Variants in PALM2AKAP2 observed in about 807,000 individuals in gnomAD.
PALM2AKAP2 encodes the protein PALM2 and AKAP2 fusion, also known as PALM2-AKAP2 fusion protein.
A neutral mutation model predicts 71.5 loss-of-function variants in PALM2AKAP2; 37 were observed. The observed-to-expected ratio is 0.52, with a 90% CI of 0.40 to 0.68. PALM2AKAP2 has a LOEUF of 0.68. PALM2AKAP2 is among the 30% of genes least tolerant of loss of function. The pLI, the probability that PALM2AKAP2 is intolerant of heterozygous loss-of-function variation, is 0.00. For synonymous variants in PALM2AKAP2, 468 were observed against 478.8 expected, an observed-to-expected ratio of 0.98 and a Z score of 0.29; for missense variants, 1,224 against 1,191.8, an observed-to-expected ratio of 1.03 and a Z score of -0.40.
chr9:110,132,032 CGT>C (rs3063946), intron 1 of PALM2AKAP2, among the ~76,000 whole-genome samples: 5,293 of 147,484 alleles, frequency 0.036, 97 homozygotes, highest in Middle Eastern at 0.048. Context: ...AAGTAACTAG[CGT>C]GTGTGTGTGT....
intron 1 of PALM2AKAP2, among the ~76,000 whole-genome samples, chr9:110,111,086 C>CAT (rs1835239239): frequency 1.2e-5 from 1 of 84,188 alleles, no homozygotes; most frequent in African/African-American, 4.9e-5. Context: ...TTTCTTTCTT[C>CAT]TTTTTTTTTT....
At chr9:110,003,581 T>C (rs1832721961) in intron 6 of PALM2AKAP2, among the ~76,000 whole-genome samples, 1 of 152,160 alleles carries the variant, frequency 6.6e-6, no homozygotes, top group Admixed American at 6.5e-5. Context: ...TTCCTGGATA[T>C]CCTTGTTAAC....
At chr9:110,124,179 C>T (rs759601877) in intron 1 of PALM2AKAP2, among the ~76,000 whole-genome samples, 4 of 152,204 alleles carry the variant, frequency 2.6e-5, no homozygotes, top group Non-Finnish European at 5.9e-5. Context: ...GCTCCATCTA[C>T]TCTGATTATC....
intron 1 of PALM2AKAP2, among the ~76,000 whole-genome samples, chr9:109,746,365 G>A (rs1165871118): frequency 6.6e-6 from 1 of 152,202 alleles, no homozygotes; most frequent in African/African-American, 2.4e-5. Context: ...ATGGGGGAAT[G>A]TCTTTCCCAT....
At chr9:109,653,686 G>A (rs1016876052) in intron 1 of PALM2AKAP2, among the ~76,000 whole-genome samples, 1 of 152,160 alleles carries the variant, frequency 6.6e-6, no homozygotes, top group Non-Finnish European at 1.5e-5. Context: ...TTCCCAACAA[G>A]CTTCCCAGGA....
chr9:109,925,171 C>T, intron 5 of PALM2AKAP2, 89 bp downstream of exon 5: 1 of 1,588,586 alleles, frequency 6.3e-7, no homozygotes, highest in Non-Finnish European at 8.6e-7. Context: ...GGAAGAGGTA[C>T]TGTGTTGATT....
intron 1 of PALM2AKAP2, among the ~76,000 whole-genome samples, chr9:109,686,565 A>G (rs1281640601): frequency 6.6e-6 from 1 of 152,054 alleles, no homozygotes; most frequent in Admixed American, 6.6e-5. Context: ...TATTCAGTAA[A>G]CCATGCTGTA....
Position 109,871,911 on chromosome 9 carries a change from G to A in PALM2AKAP2, c.126+4340G>A, listed in dbSNP as rs534720103. On this transcript the variant is annotated intron_variant, in intron 2 of 9. Coordinates refer to the PALM2AKAP2 transcript ENST00000302798. ...TACTTCAATAGCATTAATTCATCTA[G>A]AATTTATTTACAGACGAGGTATGCA... Among the ~76,000 whole-genome samples the A allele has an allele frequency of 2.0e-4, 31 of 152,182 alleles. 1 individual carries two copies. In the South Asian group the frequency reaches 6.4e-3, roughly 32 times the overall value.
intron 7 of PALM2AKAP2, among the ~76,000 whole-genome samples, chr9:110,038,492 G>A (rs771757060): frequency 2.6e-5 from 4 of 152,160 alleles, no homozygotes; most frequent in South Asian, 2.1e-4. Flanking sequence ...GGTCGGGTGA[G>A]TTTGGAGAAA....
At chr9:109,880,576 T>C in exon 3 of PALM2AKAP2, 1 of 1,613,246 alleles carries the variant, frequency 6.2e-7, no homozygotes. Context: ...GAGAAATGGC[T>C]GCTGCAGGGC....
chr9:109,650,212 C>G (rs888020574), intron 1 of PALM2AKAP2, among the ~76,000 whole-genome samples: 2 of 151,988 alleles, frequency 1.3e-5, no homozygotes, highest in African/African-American at 4.8e-5. Context: ...CCAGTTCTCA[C>G]CACCAAACAT....
intron 1 of PALM2AKAP2, among the ~76,000 whole-genome samples, chr9:109,699,692 G>T (rs148901677): frequency 3.2e-3 from 480 of 152,144 alleles, no homozygotes; most frequent in African/African-American, 0.011. Flanking sequence ...TTATTCAGAG[G>T]TGATTGAATA....
rs969248704 is a variant in PALM2AKAP2, at chr9:110,134,476, G to A, written c.157-1651G>A. Reference sequence around the variant, plus strand: ...ACACTCATTATTTGTGCCTGTTAATGGAGAAGACATATACATTACTTGAAT... The same window carrying A: ...ACACTCATTATTTGTGCCTGTTAATAGAGAAGACATATACATTACTTGAAT... On this transcript the variant is annotated intron_variant, in intron 1 of 3. Transcript: ENST00000374525. 2.0e-5 allele frequency among the ~76,000 whole-genome samples: 3 copies of A among 152,298 alleles called. No homozygotes were observed. The South Asian group carries it at 6.2e-4, about 32-fold the overall frequency.
chr9:109,805,886 G>C (rs1827557537), intron 1 of PALM2AKAP2, among the ~76,000 whole-genome samples: 1 of 152,200 alleles, frequency 6.6e-6, no homozygotes, highest in Non-Finnish European at 1.5e-5. Context: ...TGTTGCTTCA[G>C]ATCAAACATA....
intron 1 of PALM2AKAP2, among the ~76,000 whole-genome samples, chr9:109,735,553 G>A (rs1233757673): frequency 6.6e-6 from 1 of 152,104 alleles, no homozygotes; most frequent in Admixed American, 6.5e-5. Flanking sequence ...TAAATGAAAT[G>A]CCTGTAATCA....
At chr9:109,915,759 A>C (rs1434022418) in intron 3 of PALM2AKAP2, among the ~76,000 whole-genome samples, 1 of 152,204 alleles carries the variant, frequency 6.6e-6, no homozygotes, top group African/African-American at 2.4e-5. Context: ...TCTAGCAAAA[A>C]CAATATTAGA....
chr9:109,684,112 C>G (rs1328002939), intron 1 of PALM2AKAP2, among the ~76,000 whole-genome samples: 1 of 152,106 alleles, frequency 6.6e-6, no homozygotes, highest in East Asian at 1.9e-4. Flanking sequence ...ATTTCCTAGC[C>G]TGATGAATGG....
intron 6 of PALM2AKAP2, among the ~76,000 whole-genome samples, chr9:109,972,790 C>G (rs73539479): frequency 6.6e-6 from 1 of 152,138 alleles, no homozygotes; most frequent in Non-Finnish European, 1.5e-5. Flanking sequence ...CTGGGTACCA[C>G]GTGACTTTTG....
intron 6 of PALM2AKAP2, 60 bp from the exon 7 acceptor site, chr9:110,015,894 C>CTGTG (rs1388186407): frequency 6.9e-7 from 1 of 1,445,746 alleles, no homozygotes; most frequent in Non-Finnish European, 9.6e-7. Context: ...GCAATAACAA[C>CTGTG]TGTGTATCCA....
Sources: allele counts gnomAD v4.1 joint callset (sites outside exome capture counted in the v4.1 genomes callset), GRCh38; gene constraint gnomAD v4.1.1; transcripts MANE v1.5; gene names NCBI Gene and HGNC (gene_info 2026-07-23, HGNC 2026-07-21).